Variants in CTTNBP2 observed in about 807,000 individuals in gnomAD.
CTTNBP2 encodes cortactin-binding protein 2.
A neutral mutation model predicts 156.9 loss-of-function variants in CTTNBP2; 108 were observed. The ratio of observed to expected loss-of-function variants is 0.69; its 90% CI spans 0.59 to 0.81. The LOEUF (loss-of-function observed/expected upper bound fraction) is 0.81, where lower values mean the gene tolerates loss of function less well. Among genes scored for constraint, CTTNBP2 ranks in the 30% least tolerant of loss-of-function variants. The pLI is 0.00. For synonymous variants in CTTNBP2, 767 were observed against 751.8 expected (o/e 1.02, Z -0.33); for missense variants, 1,924 against 2,035.4 (o/e 0.95, Z 1.05).
At chr7:117,771,988 A>G (rs10249647) in intron 8 of CTTNBP2, among the ~76,000 whole-genome samples, 29,116 of 152,086 alleles carry the variant, frequency 0.19, 3,973 homozygotes, top group African/African-American at 0.39. Flanking sequence ...GGCCGGTCAC[A>G]CGTGGTCAAA....
chr7:117,728,110 C>G lies in CTTNBP2; in HGVS notation c.4034G>C (p.Gly1345Ala). 1 of 1,613,610 alleles carries G rather than the reference C, an allele frequency of 6.2e-7. No individual in the cohort carries two copies. The highest frequency in any genetic ancestry group is 8.5e-7 in the Non-Finnish European group (1 of 1,179,828). Residue 1345 changes from glycine (G) to alanine (A), a missense_variant, in exon 17 of 23, where the codon GGG becomes GCG. Coordinates refer to ENST00000160373, the MANE Select transcript of CTTNBP2 (RefSeq NM_033427.3). ...KYFLSCPVVP[G>A]HAQVTVKWMS... The stretch of plus-strand genomic sequence containing the variant: ...TTACTTCACTGTCACTTGGGCATGC[C>G]CAGGAACTACAGGACAAGACAGGAA...
chr7:117,834,865 G>A (rs1293777550), intron 2 of CTTNBP2, among the ~76,000 whole-genome samples: 2 of 152,176 alleles, frequency 1.3e-5, no homozygotes, highest in Non-Finnish European at 2.9e-5. Context: ...AGTCCACACC[G>A]AAGGTGCTAG....
intron 2 of CTTNBP2, among the ~76,000 whole-genome samples, chr7:117,851,208 G>T (rs1188654689): frequency 6.6e-6 from 1 of 151,842 alleles, no homozygotes; most frequent in Non-Finnish European, 1.5e-5. Context: ...TTTGAGTCCA[G>T]GTTGAGCAAC....
intron 22 of CTTNBP2, among the ~76,000 whole-genome samples, chr7:117,717,780 C>T (rs1385369535): frequency 2.0e-5 from 3 of 151,408 alleles, no homozygotes; most frequent in African/African-American, 7.3e-5. Context: ...AACAGACACC[C>T]AAAATTTTGG....
chr7:117,824,544 C>CT (rs1328757849), intron 2 of CTTNBP2, among the ~76,000 whole-genome samples: 1 of 152,154 alleles, frequency 6.6e-6, no homozygotes, highest in Non-Finnish European at 1.5e-5. Flanking sequence ...TGCTGATATA[C>CT]TTTAAGTTCT....
At chr7:117,778,012 C>G (rs1451098854) in intron 7 of CTTNBP2, among the ~76,000 whole-genome samples, 1 of 152,078 alleles carries the variant, frequency 6.6e-6, no homozygotes, top group Non-Finnish European at 1.5e-5. Flanking sequence ...ACCAGTTAAC[C>G]ATTTGGGGTG....
chr7:117,776,712 T>C (rs1245773904), intron 8 of CTTNBP2, among the ~76,000 whole-genome samples: 3 of 152,196 alleles, frequency 2.0e-5, no homozygotes, highest in Non-Finnish European at 4.4e-5. Flanking sequence ...CTTTGAAATA[T>C]GTATGTTCTC....
intron 2 of CTTNBP2, among the ~76,000 whole-genome samples, chr7:117,835,475 G>A (rs1801869517): frequency 6.6e-6 from 1 of 152,174 alleles, no homozygotes; most frequent in Non-Finnish European, 1.5e-5. Context: ...GTTAGAAGCA[G>A]ATTCAAACAA....
chr7:117,837,758 T>C (rs1449150116), intron 2 of CTTNBP2, among the ~76,000 whole-genome samples: 1 of 152,182 alleles, frequency 6.6e-6, no homozygotes, highest in African/African-American at 2.4e-5. Flanking sequence ...AATTTTCCAC[T>C]TGTGGCATCA....
intron 2 of CTTNBP2, among the ~76,000 whole-genome samples, chr7:117,860,276 G>A (rs192610148): frequency 8.0e-4 from 121 of 151,952 alleles, no homozygotes; most frequent in Non-Finnish European, 1.0e-3. Flanking sequence ...CAAAATAAAC[G>A]CAAGATCCAG....
intron 3 of CTTNBP2, among the ~76,000 whole-genome samples, chr7:117,805,351 G>A (rs1047714647): frequency 6.6e-6 from 1 of 152,138 alleles, no homozygotes; most frequent in African/African-American, 2.4e-5. Context: ...TGAGAAGCAG[G>A]AGATCTGAGT....
chr7:117,861,695 G>T (rs1186890075), intron 1 of CTTNBP2, among the ~76,000 whole-genome samples: 3 of 151,956 alleles, frequency 2.0e-5, no homozygotes, highest in African/African-American at 7.3e-5. Context: ...TCCTAGAAGG[G>T]CCCCAGCATA....
At chr7:117,850,883 C>A (rs953253117) in intron 2 of CTTNBP2, among the ~76,000 whole-genome samples, 5 of 152,164 alleles carry the variant, frequency 3.3e-5, no homozygotes, top group Admixed American at 1.3e-4. Context: ...ACTCTCTTCC[C>A]AGTGCAACAC....
chr7:117,817,753 A>C (rs1800704139), intron 2 of CTTNBP2, among the ~76,000 whole-genome samples: 1 of 151,738 alleles, frequency 6.6e-6, no homozygotes, highest in Non-Finnish European at 1.5e-5. Context: ...TAATACTAAC[A>C]AAAAAAACTT....
intron 1 of CTTNBP2, among the ~76,000 whole-genome samples, chr7:117,869,075 C>A (rs535907487): frequency 1.3e-5 from 2 of 152,110 alleles, no homozygotes; most frequent in African/African-American, 4.8e-5. Context: ...AGAGGTGCAG[C>A]CTCAATCATC....
chr7:117,801,430 T>C (rs1265543776), intron 3 of CTTNBP2, among the ~76,000 whole-genome samples: 2 of 152,072 alleles, frequency 1.3e-5, no homozygotes, highest in Admixed American at 1.3e-4. Context: ...CAAAGAAAGA[T>C]TGAAGAGCTG....
chr7:117,760,321 C>T (rs1384227606), intron 10 of CTTNBP2, 114 bp downstream of exon 10: 2 of 1,035,736 alleles, frequency 1.9e-6, no homozygotes, highest in Non-Finnish European at 2.8e-6. Flanking sequence ...CGGCAGCTGC[C>T]ACAAGTAAGC....
At chr7:117,858,278 A>G (rs146843713) in intron 2 of CTTNBP2, among the ~76,000 whole-genome samples, 124 of 152,294 alleles carry the variant, frequency 8.1e-4, no homozygotes, top group Non-Finnish European at 2.4e-4. Context: ...GCTGAGGCAG[A>G]AGAATGGCGT....
intron 3 of CTTNBP2, among the ~76,000 whole-genome samples, chr7:117,797,698 GAGC>G (rs1799393540): frequency 6.6e-6 from 1 of 152,052 alleles, no homozygotes; most frequent in African/African-American, 2.4e-5. Flanking sequence ...AGATTTGAGA[GAGC>G]AGAAGAAAAA....
Sources: gnomAD v4.1 joint callset for allele counts (sites outside exome capture counted in the v4.1 genomes callset) on GRCh38, gnomAD v4.1.1 for gene constraint, MANE v1.5 for transcripts, NCBI Gene and HGNC (gene_info 2026-07-23, HGNC 2026-07-21) for gene names.